The following KIRREL3 variants were observed in gnomAD, a reference collection of about 807,000 sequenced individuals.
The protein encoded by KIRREL3 is kin of IRRE-like protein 3.
Under a neutral mutation model 89.7 loss-of-function variants are expected in KIRREL3, and 36 were observed. The observed-to-expected ratio is 0.40, with a 90% CI of 0.31 to 0.53. The LOEUF (loss-of-function observed/expected upper bound fraction) is 0.53, where lower values mean the gene tolerates loss of function less well. Among genes scored for constraint, KIRREL3 ranks in the 20% least tolerant of loss-of-function variants. The probability of loss-of-function intolerance (pLI) is 0.49; values close to 1 mark genes in which losing one functional copy is unlikely to be tolerated. For synonymous variants in KIRREL3, 445 were observed against 441.4 expected (o/e 1.01, Z -0.10); for missense variants, 864 against 1,056.6 (o/e 0.82, Z 2.53).
At chr11:126,721,525 G>A (rs207472476) in intron 1 of KIRREL3, among the ~76,000 whole-genome samples, 23 of 60,058 alleles carry the variant, frequency 3.8e-4, no homozygotes, top group African/African-American at 1.0e-3. Flanking sequence ...GTAAAACTCC[G>A]TCTCAAAAAA....
At chr11:126,880,519 T>G (rs1412461926) in intron 1 of KIRREL3, among the ~76,000 whole-genome samples, 1 of 152,228 alleles carries the variant, frequency 6.6e-6, no homozygotes, top group Non-Finnish European at 1.5e-5. Flanking sequence ...GTCACTTTAT[T>G]GTAAAATTAG....
intron 2 of KIRREL3, among the ~76,000 whole-genome samples, chr11:126,547,574 A>T (rs182674194): frequency 1.2e-4 from 18 of 152,304 alleles, no homozygotes; most frequent in African/African-American, 4.3e-4. Context: ...CTAGAGCTGA[A>T]GCTCCCCTCC....
chr11:126,975,992 T>C (rs1036576314), intron 1 of KIRREL3, among the ~76,000 whole-genome samples: 8 of 145,260 alleles, frequency 5.5e-5, no homozygotes. Context: ...ATGCCCCAGT[T>C]TGTAAATGGC....
chr11:126,586,474 A>G (rs1941863293), intron 1 of KIRREL3, among the ~76,000 whole-genome samples: 1 of 151,854 alleles, frequency 6.6e-6, no homozygotes, highest in African/African-American at 2.4e-5. Flanking sequence ...CTCTAAGCAC[A>G]TACCCCGCCC....
Position 126,773,360 on chromosome 11 carries a change from G to A in KIRREL3, c.56-210448C>T, listed in dbSNP as rs989618837. The stretch of plus-strand genomic sequence containing the variant: ...AGGCTGGCCTCACCCGAGCAAGAAG[G>A]AACTCTCCAGCAGACGACCTCTTGA... On this transcript the variant is annotated intron_variant, in intron 1 of 16. Coordinates refer to ENST00000525144, the MANE Select transcript of KIRREL3 (RefSeq NM_032531.4). This position sits in a 1 kb window ranked among gnomAD's most constrained non-coding sequence, Gnocchi z 4.2. Among the ~76,000 whole-genome samples, 2 of 152,166 alleles carry A rather than the reference G, an allele frequency of 1.3e-5. No individual in the cohort carries two copies. The highest frequency in any genetic ancestry group is 2.9e-5 in the Non-Finnish European group (2 of 68,044).
intron 1 of KIRREL3, among the ~76,000 whole-genome samples, chr11:126,577,830 A>G (rs908758313): frequency 6.6e-6 from 1 of 152,048 alleles, no homozygotes; most frequent in African/African-American, 2.4e-5. Flanking sequence ...TTCAGAGAGA[A>G]TAGCTGAGTG....
At chr11:126,648,102 T>C (rs966983945) in intron 1 of KIRREL3, among the ~76,000 whole-genome samples, 9 of 152,150 alleles carry the variant, frequency 5.9e-5, no homozygotes, top group Non-Finnish European at 1.0e-4. Context: ...TGTTTGAAAG[T>C]GTGTATCACC....
chr11:126,694,271 C>A lies in KIRREL3; in HGVS notation c.56-131359G>T, dbSNP rs1273732509. Among the ~76,000 whole-genome samples, 1 of 152,214 alleles carries A rather than the reference C, an allele frequency of 6.6e-6. No homozygotes were observed. Among genetic ancestry groups the A allele is most frequent in the African/African-American group, 2.4e-5 (1 of 41,466 alleles). ...CATCAAACCTTGGAAATGCTCACTG[C>A]AAATGGTTGTTCTTGTTTTATTGCT... On this transcript the variant is annotated intron_variant, in intron 1 of 16. Transcript: ENST00000525144. This position sits in a 1 kb window ranked among gnomAD's most constrained non-coding sequence, Gnocchi z 4.4.
chr11:126,450,884 TGCATGTGC>T (rs1452340542), intron 7 of KIRREL3, among the ~76,000 whole-genome samples: 2 of 147,552 alleles, frequency 1.4e-5, no homozygotes, highest in South Asian at 2.1e-4. Context: ...TGTGCATGTG[TGCATGTGC>T]GTGTGTGCAT....
rs547200816 is a variant in KIRREL3 at position 126,697,284 on chromosome 11, C to T, written c.56-134372G>A. Among the ~76,000 whole-genome samples, 28 of 152,318 alleles carry T rather than the reference C, an allele frequency of 1.8e-4. No individual in the cohort carries two copies. Among genetic ancestry groups the T allele is most frequent in the African/African-American group, 6.7e-4 (28 of 41,562 alleles). On this transcript the variant is annotated intron_variant, in intron 1 of 16. Coordinates refer to ENST00000525144, the MANE Select transcript of KIRREL3 (RefSeq NM_032531.4). This position sits in a 1 kb window ranked among gnomAD's most constrained non-coding sequence, Gnocchi z 4.2. ...GCGGGACTTCCTCTATTGCCCTAGGCCCTGGGGTGAACTGCAGCCAGCACT... is the reference window on the plus strand; with the variant it reads ...GCGGGACTTCCTCTATTGCCCTAGGTCCTGGGGTGAACTGCAGCCAGCACT...
At position 126,463,765 on chromosome 11, in the gene KIRREL3, A is replaced by G. The variant is rs1329927036; in HGVS notation, c.592-458T>C. Among the ~76,000 whole-genome samples the G allele has an allele frequency of 6.6e-6, 1 of 152,196 alleles. No homozygotes were observed. ...CGGGGACAGTCTGCAGAGGAGGCAC[A>G]GTTTGGGGAATGGGAGTCAGAGTGG... is the stretch of plus-strand genomic sequence containing the variant. On this transcript the variant is annotated intron_variant, in intron 5 of 16. Coordinates refer to ENST00000525144, the MANE Select transcript of KIRREL3 (RefSeq NM_032531.4). This position sits in a 1 kb window ranked among gnomAD's most constrained non-coding sequence, Gnocchi z 5.9.
Position 126,686,664 on chromosome 11 carries a change from C to T in KIRREL3, c.56-123752G>A, listed in dbSNP as rs1031614703. On this transcript the variant is annotated intron_variant, in intron 1 of 16. Transcript: ENST00000525144. This position sits in a 1 kb window ranked among gnomAD's most constrained non-coding sequence, Gnocchi z 4.7. The stretch of plus-strand genomic sequence containing the variant: ...GCGTGATCTTGGCTCACTGCAACCT[C>T]GGCCTCTCCAGTTCAAGCAGTTCTC... Among the ~76,000 whole-genome samples, 4 of 152,164 alleles carry T rather than the reference C, an allele frequency of 2.6e-5. No individual in the cohort carries two copies. The highest frequency in any genetic ancestry group is 2.1e-4 in the South Asian group (1 of 4,814).
chr11:126,728,709 G>A (rs1592033730), intron 1 of KIRREL3, among the ~76,000 whole-genome samples: 3 of 152,326 alleles, frequency 2.0e-5, no homozygotes, highest in Admixed American at 2.0e-4. Context: ...TGTCAGTGGA[G>A]TGAAGCCTGT....
rs1189619968 is a variant in KIRREL3 at position 126,969,844 on chromosome 11, C to T, written c.55+30611G>A. 1.3e-5 allele frequency among the ~76,000 whole-genome samples: 2 copies of T among 152,184 alleles called. No homozygotes were observed. Among genetic ancestry groups the T allele is most frequent in the African/African-American group, 4.8e-5 (2 of 41,444 alleles). On this transcript the variant is annotated intron_variant, in intron 1 of 16. Transcript: ENST00000525144. The surrounding 1 kb of genome is among the most constrained non-coding windows in gnomAD (Gnocchi z 4.9). ...CAGACAGCCTTTCCCTTCTCTTCTCCTTTCTCTCTACTCTGCATGGAAATG... is the reference window on the plus strand; with the variant it reads ...CAGACAGCCTTTCCCTTCTCTTCTCTTTTCTCTCTACTCTGCATGGAAATG...
rs1958808275 is a variant in KIRREL3, at chr11:126,527,783, C to T, written c.134-1096G>A. Reference sequence around the variant, plus strand: ...GGTGGGTGGTGCGGTGAATCCAAGTCTTTCTGGCTCTGAAGACCATGCTCT... The same window carrying T: ...GGTGGGTGGTGCGGTGAATCCAAGTTTTTCTGGCTCTGAAGACCATGCTCT... On this transcript the variant is annotated intron_variant, in intron 2 of 16. Coordinates refer to ENST00000525144, the MANE Select transcript of KIRREL3 (RefSeq NM_032531.4). The surrounding 1 kb of genome is among the most constrained non-coding windows in gnomAD (Gnocchi z 4.2). Among the ~76,000 whole-genome samples, 1 of 152,092 alleles carries T rather than the reference C, an allele frequency of 6.6e-6. No homozygotes were observed.
Position 126,570,170 on chromosome 11 carries a change from G to A in KIRREL3, c.56-7258C>T, listed in dbSNP as rs1940818232. Among the ~76,000 whole-genome samples, 1 of 152,032 alleles carries A rather than the reference G, an allele frequency of 6.6e-6. No homozygotes were observed. Among genetic ancestry groups the A allele is most frequent in the Admixed American group, 6.6e-5 (1 of 15,250 alleles). On this transcript the variant is annotated intron_variant, in intron 1 of 16. Transcript: ENST00000525144. The surrounding 1 kb of genome is among the most constrained non-coding windows in gnomAD (Gnocchi z 6.1). ...AATAATACCTGTTTTATAATTTTTG[G>A]ATCTCATTGCTTGCTAATTCTAAGT...
intron 7 of KIRREL3, among the ~76,000 whole-genome samples, 188 bp downstream of exon 7, chr11:126,456,161 A>G (rs1192395317): frequency 1.4e-5 from 2 of 147,964 alleles, no homozygotes; most frequent in Non-Finnish European, 3.0e-5. Flanking sequence ...GCACGCACAG[A>G]GGAGAGGAAG....
chr11:126,838,399 T>G lies in KIRREL3; in HGVS notation c.55+162056A>C, dbSNP rs28460129. On this transcript the variant is annotated intron_variant, in intron 1 of 16. Coordinates refer to ENST00000525144, the MANE Select transcript of KIRREL3 (RefSeq NM_032531.4). ...ACTGCACCTTCTATAACATTTCTAATAAATCATGGGGAAAAAGAAATCTCT... is the reference window on the plus strand; with the variant it reads ...ACTGCACCTTCTATAACATTTCTAAGAAATCATGGGGAAAAAGAAATCTCT... Among the ~76,000 whole-genome samples the G allele has an allele frequency of 9.6e-4, 146 of 152,326 alleles. 2 individuals carry two copies. Among genetic ancestry groups the G allele is most frequent in the African/African-American group, 3.1e-3 (128 of 41,578 alleles).
intron 1 of KIRREL3, among the ~76,000 whole-genome samples, chr11:126,919,084 T>C (rs1206521580): frequency 1.3e-5 from 2 of 151,834 alleles, no homozygotes; most frequent in African/African-American, 4.8e-5. Context: ...CAAGGAGATA[T>C]GATTTTTTAA....
Sources: allele counts gnomAD v4.1 joint callset (sites outside exome capture counted in the v4.1 genomes callset), GRCh38; gene constraint gnomAD v4.1.1; non-coding constraint Gnocchi (gnomAD v3.1); transcripts MANE v1.5; gene names NCBI Gene and HGNC (gene_info 2026-07-23, HGNC 2026-07-21).